The following SH3D19 variants were observed in gnomAD, a reference collection of about 807,000 sequenced individuals.
SH3D19 encodes SH3 domain containing 19.
SH3D19 carries 58 observed loss-of-function variants against 112.1 expected under a neutral mutation model. The observed-to-expected ratio is 0.52, with a 90% CI of 0.42 to 0.64. The LOEUF (loss-of-function observed/expected upper bound fraction) is 0.64, where lower values mean the gene tolerates loss of function less well. SH3D19 is among the 30% of genes least tolerant of loss of function. SH3D19 has a pLI of 0.00. For synonymous variants in SH3D19, 391 were observed against 448.5 expected (o/e 0.87, Z 1.62); for missense variants, 1,090 against 1,263.4 (o/e 0.86, Z 2.08).
intron 1 of SH3D19, among the ~76,000 whole-genome samples, chr4:151,268,865 A>C (rs1773021140): frequency 6.6e-6 from 1 of 151,820 alleles, no homozygotes. Flanking sequence ...GTTGGTTCCA[A>C]GTCTTTGCTA....
chr4:151,125,238 C>T lies in SH3D19; in HGVS notation c.3027+2380G>A, dbSNP rs146185120. Among the ~76,000 whole-genome samples the T allele has an allele frequency of 6.9e-3, 1,055 of 152,108 alleles. 7 individuals carry two copies. The highest frequency in any genetic ancestry group is 0.023 in the African/African-American group (951 of 41,492). ...AACCCAGCTCTTTGGGAGGTTGGGG[C>T]GGATGGATCGCCTTGAGCTCATGAG... On this transcript the variant is annotated intron_variant, in intron 19 of 19. Coordinates refer to ENST00000604030, the MANE Select transcript of SH3D19 (RefSeq NM_001378122.1).
chr4:151,124,465 T>C (rs932069098), intron 19 of SH3D19, among the ~76,000 whole-genome samples: 3 of 150,578 alleles, frequency 2.0e-5, no homozygotes, highest in Admixed American at 6.6e-5. Flanking sequence ...ACTCCTGTAA[T>C]CCTAACACTT....
Position 151,237,934 on chromosome 4 carries a change from C to G in SH3D19, c.113-11848G>C, listed in dbSNP as rs147185751. On this transcript the variant is annotated intron_variant, in intron 1 of 19. Coordinates refer to ENST00000604030, the MANE Select transcript of SH3D19 (RefSeq NM_001378122.1). ...AACGGTTCAGCCTATTTTTCCTTTT[C>G]TTTCTCTTCCCAGCCCTTCTGAACC... Among the ~76,000 whole-genome samples the G allele has an allele frequency of 1.7e-3, 266 of 152,220 alleles. 2 individuals carry two copies. Among genetic ancestry groups the G allele is most frequent in the African/African-American group, 6.2e-3 (258 of 41,542 alleles).
At chr4:151,228,836 T>C (rs186395091) in intron 1 of SH3D19, among the ~76,000 whole-genome samples, 1 of 147,280 alleles carries the variant, frequency 6.8e-6, no homozygotes, top group East Asian at 2.1e-4. Flanking sequence ...CTTCAGCACA[T>C]TCTCTGAATT....
At chr4:151,125,139 G>T (rs6853215) in intron 19 of SH3D19, among the ~76,000 whole-genome samples, 2 of 152,034 alleles carry the variant, frequency 1.3e-5, no homozygotes, top group Admixed American at 1.3e-4. Flanking sequence ...AAGGTTACGA[G>T]TTTTTAATTT....
At chr4:151,242,812 G>T (rs1770664714) in intron 1 of SH3D19, among the ~76,000 whole-genome samples, 1 of 151,908 alleles carries the variant, frequency 6.6e-6, no homozygotes, top group South Asian at 2.1e-4. Context: ...ATTTAACAAG[G>T]GATATAAGAT....
intron 2 of SH3D19, among the ~76,000 whole-genome samples, chr4:151,224,125 T>C (rs902490510): frequency 2.0e-5 from 3 of 152,084 alleles, no homozygotes; most frequent in South Asian, 2.1e-4. Context: ...CTGGCTAACA[T>C]GGTGAAACCC....
At chr4:151,127,748 AAC>A (rs1749725524) in intron 18 of SH3D19, 33 bp from the exon 19 acceptor site, 1 of 1,271,952 alleles carries the variant, frequency 7.9e-7, no homozygotes, top group Non-Finnish European at 1.1e-6. Context: ...AATATATAGA[AAC>A]ACAGTGGACT....
intron 11 of SH3D19, among the ~76,000 whole-genome samples, chr4:151,146,799 G>A (rs1169259993): frequency 6.6e-6 from 1 of 152,188 alleles, no homozygotes; most frequent in Non-Finnish European, 1.5e-5. Flanking sequence ...CTCCCAAAGT[G>A]CTGGGATTAC....
At chr4:151,150,601 A>T (rs1435099020) in intron 9 of SH3D19, among the ~76,000 whole-genome samples, 2 of 152,032 alleles carry the variant, frequency 1.3e-5, no homozygotes, top group Non-Finnish European at 2.9e-5. Context: ...CCAAGAAAGC[A>T]GTGTGCTGGT....
chr4:151,241,714 G>A (rs554630782), intron 1 of SH3D19, among the ~76,000 whole-genome samples: 24 of 151,634 alleles, frequency 1.6e-4, no homozygotes, highest in East Asian at 1.9e-4. Flanking sequence ...ACTTTAAATG[G>A]GTGAACTCTA....
chr4:151,271,627 G>A (rs1773231057), intron 1 of SH3D19, among the ~76,000 whole-genome samples: 1 of 152,140 alleles, frequency 6.6e-6, no homozygotes, highest in East Asian at 1.9e-4. Flanking sequence ...AATGTCAATA[G>A]TGCCAAGGTT....
At chr4:151,181,976 G>A (rs1228959462) in intron 3 of SH3D19, among the ~76,000 whole-genome samples, 2 of 151,954 alleles carry the variant, frequency 1.3e-5, no homozygotes, top group Non-Finnish European at 2.9e-5. Context: ...TGAAAAACCC[G>A]CTTGTAGGGT....
chr4:151,304,461 C>T (rs1158423092), intron 1 of SH3D19, among the ~76,000 whole-genome samples: 2 of 152,272 alleles, frequency 1.3e-5, no homozygotes, highest in Non-Finnish European at 1.5e-5. Context: ...CTAGAGAGAA[C>T]AAAACCAACC....
chr4:151,302,090 C>A (rs1037019684), intron 1 of SH3D19, among the ~76,000 whole-genome samples: 1 of 152,204 alleles, frequency 6.6e-6, no homozygotes, highest in Non-Finnish European at 1.5e-5. Context: ...TACCATGTAA[C>A]TTGCAGGACC....
At chr4:151,298,567 C>T (rs1376902842) in intron 1 of SH3D19, among the ~76,000 whole-genome samples, 1 of 152,024 alleles carries the variant, frequency 6.6e-6, no homozygotes, top group Non-Finnish European at 1.5e-5. Flanking sequence ...TTTGAGAGGC[C>T]TATTAGATGT....
chr4:151,289,935 G>A (rs1046587871), intron 1 of SH3D19, among the ~76,000 whole-genome samples: 1 of 151,964 alleles, frequency 6.6e-6, no homozygotes, highest in Non-Finnish European at 1.5e-5. Flanking sequence ...AGAAAAAACC[G>A]GTACACAAGT....
chr4:151,279,864 T>C, intron 1 of SH3D19: 10 of 1,376,884 alleles, frequency 7.3e-6, no homozygotes, highest in Non-Finnish European at 1.0e-5. Flanking sequence ...GCGCTGGCCT[T>C]GGCAGGTCAG....
chr4:151,315,680 A>C (rs1729911385), intron 1 of SH3D19, among the ~76,000 whole-genome samples: 1 of 152,144 alleles, frequency 6.6e-6, no homozygotes, highest in Non-Finnish European at 1.5e-5. Context: ...AGGCTGGTGC[A>C]GTGGTGTGTG....
Sources: gnomAD v4.1 joint callset for allele counts (sites outside exome capture counted in the v4.1 genomes callset) on GRCh38, gnomAD v4.1.1 for gene constraint, MANE v1.5 for transcripts, NCBI Gene and HGNC (gene_info 2026-07-23, HGNC 2026-07-21) for gene names.